Variants in DGKB observed in about 807,000 individuals in gnomAD.
The protein encoded by DGKB is diacylglycerol kinase beta.
A neutral mutation model predicts 114.3 loss-of-function variants in DGKB; 67 were observed. The ratio of observed to expected loss-of-function variants is 0.59; its 90% CI spans 0.48 to 0.72. The LOEUF (loss-of-function observed/expected upper bound fraction) is 0.72, where lower values mean the gene tolerates loss of function less well. Among genes scored for constraint, DGKB ranks in the 30% least tolerant of loss-of-function variants. The probability of loss-of-function intolerance (pLI) is 0.00; values close to 1 mark genes in which losing one functional copy is unlikely to be tolerated. For missense variants in DGKB, 907 were observed against 975.2 expected, an observed-to-expected ratio of 0.93 and a Z score of 0.93; for synonymous variants, 398 against 323.1, an observed-to-expected ratio of 1.23 and a Z score of -2.49.
intron 12 of DGKB, among the ~76,000 whole-genome samples, chr7:14,680,189 G>T (rs543668271): frequency 2.6e-5 from 4 of 151,700 alleles, no homozygotes; most frequent in Non-Finnish European, 5.9e-5. Context: ...GGTTAGCCTT[G>T]TTTCCTAAAT....
chr7:14,962,017 G>A (rs139906150), intron 1 of DGKB, among the ~76,000 whole-genome samples: 189 of 152,028 alleles, frequency 1.2e-3, no homozygotes, highest in Middle Eastern at 0.01. Flanking sequence ...TAAGTGGGGC[G>A]ATATATTTAC....
At chr7:14,520,841 T>C (rs553797348) in intron 20 of DGKB, among the ~76,000 whole-genome samples, 2 of 152,208 alleles carry the variant, frequency 1.3e-5, no homozygotes, top group African/African-American at 4.8e-5. Context: ...ATGCCAGCAA[T>C]GGAATATTTG....
chr7:14,254,850 C>A (rs1029073397), intron 23 of DGKB, among the ~76,000 whole-genome samples: 1 of 152,124 alleles, frequency 6.6e-6, no homozygotes, highest in Non-Finnish European at 1.5e-5. Context: ...CCATCTTCAG[C>A]CCTTCCATAA....
intron 2 of DGKB, among the ~76,000 whole-genome samples, chr7:14,805,728 G>T (rs982769312): frequency 2.0e-5 from 3 of 151,444 alleles, no homozygotes; most frequent in Non-Finnish European, 4.4e-5. Flanking sequence ...ATAATAAAAT[G>T]ATATGAACTT....
In DGKB at chr7:14,355,617, G is replaced by A. The variant is rs995697724; in HGVS notation, c.1836-10226C>T. 2.6e-5 allele frequency among the ~76,000 whole-genome samples: 4 copies of A among 152,176 alleles called. No homozygotes were observed. The East Asian group carries it at 7.7e-4, about 29-fold the overall frequency. On this transcript the variant is annotated intron_variant, in intron 21 of 25. Transcript: ENST00000402815. Reference sequence around the variant, plus strand: ...TATGTTGAACCAGCCTTGCATCCCAGGGATGAAGCCAACTTGATCATGGTG... The same window carrying A: ...TATGTTGAACCAGCCTTGCATCCCAAGGATGAAGCCAACTTGATCATGGTG...
rs186920449 is a variant in DGKB, at chr7:14,802,381, A to G, written c.70+38813T>C. On this transcript the variant is annotated intron_variant, in intron 2 of 25. Coordinates refer to ENST00000402815, the MANE Select transcript of DGKB (RefSeq NM_001350709.2). ...AACAGTAGGCAACAGTGAGTGTTAT[A>G]GCATTTAAATTAGTAGGCCCACTAA... Among the ~76,000 whole-genome samples the G allele has an allele frequency of 3.0e-3, 454 of 152,294 alleles. 1 individual carries two copies. Among genetic ancestry groups the G allele is most frequent in the African/African-American group, 9.1e-3 (378 of 41,558 alleles).
At chr7:14,332,627 T>C (rs1244651053) in intron 23 of DGKB, among the ~76,000 whole-genome samples, 1 of 152,158 alleles carries the variant, frequency 6.6e-6, no homozygotes, top group African/African-American at 2.4e-5. Context: ...ACATTATAAA[T>C]GATAGTAAAA....
intron 2 of DGKB, among the ~76,000 whole-genome samples, chr7:14,780,409 C>T (rs1273725795): frequency 6.6e-6 from 1 of 152,168 alleles, no homozygotes; most frequent in African/African-American, 2.4e-5. Context: ...AACCACTTAG[C>T]ACCATTTACA....
rs1173622205 is a variant in DGKB, at chr7:14,695,494, C to CTTTTTTTTTTTT, written c.592-1312_592-1301dup. On this transcript the variant is annotated intron_variant, in intron 8 of 25. Transcript: ENST00000402815. ...AATGTTCATTTCTCTCTCTCTCTCT[C>CTTTTTTTTTTTT]TTTTTTTTTTTTTTTTTTTTTTTGA... Among the ~76,000 whole-genome samples the CTTTTTTTTTTTT allele has an allele frequency of 2.1e-3, 159 of 75,170 alleles. 17 individuals carry two copies. The highest frequency in any genetic ancestry group is 3.1e-3 in the East Asian group (6 of 1,958). The allele number at this position is 75,170 out of a possible 152,430, so 49.3% of individuals were successfully genotyped here.
chr7:14,792,491 G>C (rs1043695303), intron 2 of DGKB, among the ~76,000 whole-genome samples: 1 of 152,032 alleles, frequency 6.6e-6, no homozygotes, highest in African/African-American at 2.4e-5. Flanking sequence ...AGTAAGAAAA[G>C]GTACTCATCT....
rs63614561 is a variant in DGKB, at chr7:14,769,276, A to AAG, written c.71-11547_71-11546dup. Among the ~76,000 whole-genome samples, 4 of 74,314 alleles carry AAG rather than the reference A, an allele frequency of 5.4e-5. 1 individual carries two copies. The highest frequency in any genetic ancestry group is 5.1e-4 in the African/African-American group (4 of 7,900). 48.8% of individuals were successfully genotyped at this position (74,314 alleles called of 152,430 possible). A position where few individuals can be genotyped will look rare whatever the true frequency, so the allele number is the denominator to read the frequency against. ...AAAGAAAGAAAGAAAGAAAGAAAGA[A>AAG]AGAAAGATTTTGTAAAGGAGTTTAG... On this transcript the variant is annotated intron_variant, in intron 2 of 25. Transcript: ENST00000402815.
At chr7:14,264,903 G>C (rs772356776) in intron 23 of DGKB, among the ~76,000 whole-genome samples, 2 of 152,082 alleles carry the variant, frequency 1.3e-5, no homozygotes, top group Non-Finnish European at 2.9e-5. Context: ...ATGTGTGAAG[G>C]GTTGTCATAC....
intron 23 of DGKB, among the ~76,000 whole-genome samples, chr7:14,222,010 A>G (rs1220337322): frequency 6.6e-6 from 1 of 150,712 alleles, no homozygotes; most frequent in African/African-American, 2.4e-5. Context: ...TTTCTCTTTC[A>G]TTTCTGATTC....
At chr7:14,923,983 C>CAAAAAAAAAAAA (rs56032330) in intron 1 of DGKB, among the ~76,000 whole-genome samples, 4,280 of 75,780 alleles carry the variant, frequency 0.056, 465 homozygotes, top group East Asian at 0.24. Flanking sequence ...AGCTCCATCT[C>CAAAAAAAAAAAA]AAAAAAAAAA....
chr7:14,452,349 T>A (rs1831652634), intron 21 of DGKB, among the ~76,000 whole-genome samples: 1 of 152,102 alleles, frequency 6.6e-6, no homozygotes, highest in South Asian at 2.1e-4. Context: ...CTTATTCTCA[T>A]ATAAATTCCA....
chr7:14,173,675 G>C (rs889706570), intron 25 of DGKB, among the ~76,000 whole-genome samples: 73 of 152,116 alleles, frequency 4.8e-4, no homozygotes, highest in African/African-American at 1.7e-3. Flanking sequence ...AGCAAAAAAC[G>C]CTCCATAGTT....
chr7:14,265,813 G>A (rs1269292566), intron 23 of DGKB, among the ~76,000 whole-genome samples: 2 of 152,140 alleles, frequency 1.3e-5, no homozygotes, highest in Admixed American at 1.3e-4. Context: ...ATAGATGATT[G>A]GGCCAAGTAC....
chr7:14,767,788 T>C lies in DGKB; in HGVS notation c.71-10057A>G, dbSNP rs140646246. Among the ~76,000 whole-genome samples, 258 of 152,084 alleles carry C rather than the reference T, an allele frequency of 1.7e-3. 1 individual carries two copies. Among genetic ancestry groups the C allele is most frequent in the African/African-American group, 5.9e-3 (244 of 41,540 alleles). On this transcript the variant is annotated intron_variant, in intron 2 of 25. Transcript: ENST00000402815. The stretch of plus-strand genomic sequence containing the variant: ...GGAAATGCAAGTATGAGTTACATTT[T>C]TGAATGTGTACATTAAAAATATTTA...
At chr7:14,623,223 G>A (rs907756132) in intron 14 of DGKB, among the ~76,000 whole-genome samples, 8 of 152,120 alleles carry the variant, frequency 5.3e-5, no homozygotes, top group Non-Finnish European at 1.0e-4. Context: ...TAATTGATTG[G>A]CAATGCATGC....
Sources: allele counts gnomAD v4.1 joint callset (sites outside exome capture counted in the v4.1 genomes callset), GRCh38; gene constraint gnomAD v4.1.1; transcripts MANE v1.5; gene names NCBI Gene and HGNC (gene_info 2026-07-23, HGNC 2026-07-21).